The following PDE4B variants were observed in gnomAD, a reference collection of about 807,000 sequenced individuals.
The protein encoded by PDE4B is phosphodiesterase 4B, also known as 3',5'-cyclic-AMP phosphodiesterase 4B.
In PDE4B, 20 loss-of-function variants were observed where a neutral mutation model predicts 82.2. That is an observed-to-expected ratio of 0.24 (90% CI 0.17 to 0.35). PDE4B has a LOEUF of 0.35. PDE4B is among the 10% of genes least tolerant of loss of function. PDE4B has a pLI of 1.00. For synonymous variants in PDE4B, 320 were observed against 318.9 expected (o/e 1.00, Z -0.04); for missense variants, 655 against 907.2 (o/e 0.72, Z 3.57).
chr1:65,994,745 TTAGA>T lies in PDE4B; in HGVS notation c.281+75914_281+75917del, dbSNP rs1271978475. Among the ~76,000 whole-genome samples, 7 of 152,224 alleles carry T rather than the reference TTAGA, an allele frequency of 4.6e-5. No homozygotes were observed. The East Asian group carries it at 1.3e-3, about 29-fold the overall frequency. ...ATTTTAACCAAAAGGATATTTAATTTTAGATAGCTAATTTTTAGATAATGATAAG... is the reference window on the plus strand; with the variant it reads ...ATTTTAACCAAAAGGATATTTAATTTTAGCTAATTTTTAGATAATGATAAG... On this transcript the variant is annotated intron_variant, in intron 3 of 16. Coordinates refer to ENST00000341517, the MANE Select transcript of PDE4B (RefSeq NM_002600.4).
rs200612585 is a variant in PDE4B at position 65,913,341 on chromosome 1, G to A, written c.27G>A (p.Thr9=). Reference sequence around the variant, plus strand: ...TGAAGAAAAGCAGGAGTGTGATGACGGTGATGGCTGATGATGTAAGTTTCA... The same window carrying A: ...TGAAGAAAAGCAGGAGTGTGATGACAGTGATGGCTGATGATGTAAGTTTCA... MKKSRSVM[T]VMADDNVKDY... Residue 9 remains threonine, a synonymous_variant, in exon 2 of 17, where the codon ACG becomes ACA. Transcript: ENST00000341517. The A allele has an allele frequency of 3.8e-5, 62 of 1,613,608 alleles. No individual in the cohort carries two copies. Among genetic ancestry groups the A allele is most frequent in the African/African-American group, 3.5e-4 (26 of 74,972 alleles).
At chr1:66,215,628 C>A (rs572140767) in intron 3 of PDE4B, among the ~76,000 whole-genome samples, 1 of 152,092 alleles carries the variant, frequency 6.6e-6, no homozygotes, top group Non-Finnish European at 1.5e-5. Context: ...CTTCTTTCTG[C>A]AGGAGGCTTC....
chr1:66,089,793 G>T (rs1394225191), intron 3 of PDE4B, among the ~76,000 whole-genome samples: 1 of 151,944 alleles, frequency 6.6e-6, no homozygotes, highest in Non-Finnish European at 1.5e-5. Flanking sequence ...TCATTTCTGA[G>T]CCATTATCTT....
chr1:66,063,396 G>A (rs969508889), intron 3 of PDE4B, among the ~76,000 whole-genome samples: 2 of 151,964 alleles, frequency 1.3e-5, no homozygotes, highest in African/African-American at 4.8e-5. Context: ...TGGGTGCTGG[G>A]CTCTGGTATT....
intron 3 of PDE4B, among the ~76,000 whole-genome samples, chr1:65,939,414 A>G (rs1648325281): frequency 6.6e-6 from 1 of 152,136 alleles, no homozygotes. Context: ...AGGTTACCAC[A>G]GGCCTGATAG....
chr1:66,314,338 T>C (rs574254083), intron 7 of PDE4B, among the ~76,000 whole-genome samples: 3 of 152,330 alleles, frequency 2.0e-5, no homozygotes, highest in African/African-American at 7.2e-5. Context: ...AATAGCTCCA[T>C]GCATTCCTGC....
At chr1:65,895,474 C>T (rs550779459) in intron 1 of PDE4B, among the ~76,000 whole-genome samples, 5 of 147,030 alleles carry the variant, frequency 3.4e-5, no homozygotes, top group South Asian at 2.2e-4. Flanking sequence ...CGCTTGAACC[C>T]GGGTTGCAGA....
At chr1:66,117,470 CTT>C (rs1557573896) in intron 3 of PDE4B, among the ~76,000 whole-genome samples, 1 of 152,032 alleles carries the variant, frequency 6.6e-6, no homozygotes, top group Non-Finnish European at 1.5e-5. Flanking sequence ...GGGAAGGTAA[CTT>C]TTAATACTGG....
Position 66,001,163 on chromosome 1 carries a change from G to A in PDE4B, c.281+82328G>A, listed in dbSNP as rs567128680. ...CTAATATGTCCAGGAATGGCAGCAGGATAAATGAGGAGGATGAAAGCAACT... is the reference window on the plus strand; with the variant it reads ...CTAATATGTCCAGGAATGGCAGCAGAATAAATGAGGAGGATGAAAGCAACT... On this transcript the variant is annotated intron_variant, in intron 3 of 16. Coordinates refer to ENST00000341517, the MANE Select transcript of PDE4B (RefSeq NM_002600.4). Among the ~76,000 whole-genome samples the A allele has an allele frequency of 3.3e-5, 5 of 152,254 alleles. No individual in the cohort carries two copies. The East Asian group carries it at 9.6e-4, about 29-fold the overall frequency.
At chr1:66,081,828 CTCTCTGTG>C (rs1190957890) in intron 3 of PDE4B, among the ~76,000 whole-genome samples, 10 of 113,168 alleles carry the variant, frequency 8.8e-5, no homozygotes, top group African/African-American at 3.1e-4. Context: ...CTCTCTCTCT[CTCTCTGTG>C]TGTGTGTGTG....
intron 1 of PDE4B, among the ~76,000 whole-genome samples, chr1:65,886,811 A>G (rs1646782877): frequency 6.6e-6 from 1 of 152,146 alleles, no homozygotes; most frequent in Non-Finnish European, 1.5e-5. Context: ...TATCTTTGCT[A>G]TTGTGAACAA....
chr1:66,161,541 T>A (rs577874715), intron 3 of PDE4B, among the ~76,000 whole-genome samples: 19 of 152,322 alleles, frequency 1.2e-4, no homozygotes, highest in African/African-American at 4.6e-4. Flanking sequence ...GATATTGTAT[T>A]GCTTACGAGA....
chr1:66,220,074 T>A (rs1445417884), intron 3 of PDE4B, among the ~76,000 whole-genome samples: 1 of 152,016 alleles, frequency 6.6e-6, no homozygotes, highest in Non-Finnish European at 1.5e-5. Context: ...TTCCAAGAGC[T>A]GGAAAAAGCT....
chr1:65,994,352 A>G (rs1446411463), intron 3 of PDE4B, among the ~76,000 whole-genome samples: 2 of 152,106 alleles, frequency 1.3e-5, no homozygotes, highest in Non-Finnish European at 2.9e-5. Context: ...TGATGTGCTT[A>G]TTCTTGCTTT....
intron 3 of PDE4B, among the ~76,000 whole-genome samples, chr1:66,122,934 G>A (rs559982521): frequency 2.6e-4 from 39 of 152,090 alleles, no homozygotes; most frequent in African/African-American, 9.4e-4. Flanking sequence ...TTGAACTCCT[G>A]ACCTCAGGGG....
At chr1:65,987,183 C>T (rs999085861) in intron 3 of PDE4B, among the ~76,000 whole-genome samples, 3 of 152,070 alleles carry the variant, frequency 2.0e-5, no homozygotes, top group African/African-American at 7.2e-5. Context: ...TTGAATGGGA[C>T]CATCTCTAAG....
chr1:66,336,707 T>C (rs1281002547), intron 8 of PDE4B, among the ~76,000 whole-genome samples: 1 of 107,000 alleles, frequency 9.3e-6, no homozygotes, highest in African/African-American at 2.9e-5. Flanking sequence ...TTTGCTAAGA[T>C]AGAAATGGAA....
intron 3 of PDE4B, among the ~76,000 whole-genome samples, chr1:65,933,467 C>T (rs151303553): frequency 0.01 from 1,586 of 152,040 alleles, 31 homozygotes; most frequent in African/African-American, 0.036. Flanking sequence ...CCACGGCGGG[C>T]GGATCACTTG....
chr1:65,971,883 G>A (rs1650159263), intron 3 of PDE4B, among the ~76,000 whole-genome samples: 3 of 152,086 alleles, frequency 2.0e-5, no homozygotes, highest in South Asian at 4.1e-4. Context: ...TCAGAAATGA[G>A]CATCATTATC....
Sources: allele counts gnomAD v4.1 joint callset (sites outside exome capture counted in the v4.1 genomes callset), GRCh38; gene constraint gnomAD v4.1.1; transcripts MANE v1.5; gene names NCBI Gene and HGNC (gene_info 2026-07-23, HGNC 2026-07-21).